Variants in SLK observed in about 807,000 individuals in gnomAD.
The protein encoded by SLK is STE20-like serine/threonine-protein kinase.
In SLK, 67 loss-of-function variants were observed where a neutral mutation model predicts 147.7. The ratio of observed to expected loss-of-function variants is 0.45; its 90% CI spans 0.37 to 0.56. The LOEUF (loss-of-function observed/expected upper bound fraction) is 0.56. Ranked by LOEUF, SLK falls within the 20% of genes least tolerant of loss-of-function variation. SLK has a pLI of 0.00. For missense variants in SLK, 1,136 were observed against 1,438.8 expected, an observed-to-expected ratio of 0.79 and a Z score of 3.41; for synonymous variants, 441 against 475.0, an observed-to-expected ratio of 0.93 and a Z score of 0.93.
chr10:103,988,239 A>G (rs1844044201), intron 1 of SLK, among the ~76,000 whole-genome samples: 1 of 152,170 alleles, frequency 6.6e-6, no homozygotes, highest in East Asian at 1.9e-4. Context: ...TTCATCTCCT[A>G]GTTTCAGGAA....
chr10:103,973,662 GT>G (rs1843823144), intron 1 of SLK, among the ~76,000 whole-genome samples: 1 of 152,094 alleles, frequency 6.6e-6, no homozygotes, highest in Non-Finnish European at 1.5e-5. Context: ...ATGAGTTACA[GT>G]TTTTTTCCCT....
chr10:103,994,514 T>C (rs926827628), intron 4 of SLK, among the ~76,000 whole-genome samples: 4 of 152,162 alleles, frequency 2.6e-5, no homozygotes, highest in Non-Finnish European at 4.4e-5. Context: ...CTTTTCTTTA[T>C]ATTATGGCAT....
intron 4 of SLK, among the ~76,000 whole-genome samples, chr10:103,995,824 T>G (rs1291054214): frequency 2.6e-5 from 4 of 152,184 alleles, no homozygotes; most frequent in Middle Eastern, 3.2e-3. Context: ...TTTTCTATAT[T>G]GGCCATTGTT....
intron 12 of SLK, among the ~76,000 whole-genome samples, chr10:104,010,610 T>C (rs1844387210): frequency 6.6e-6 from 1 of 152,210 alleles, no homozygotes; most frequent in African/African-American, 2.4e-5. Context: ...AATTAACCTT[T>C]GTGTGGTGTA....
chr10:103,970,811 G>A (rs1327509076), intron 1 of SLK, among the ~76,000 whole-genome samples: 1 of 152,126 alleles, frequency 6.6e-6, no homozygotes, highest in Non-Finnish European at 1.5e-5. Context: ...ATAGAGATGA[G>A]GTTGAGTATC....
intron 1 of SLK, among the ~76,000 whole-genome samples, chr10:103,970,129 A>G (rs9325510): frequency 0.8 from 122,357 of 152,116 alleles, 49,373 homozygotes; most frequent in East Asian, 0.9. Flanking sequence ...GAGGATTGAA[A>G]AAGATAATAT....
Position 104,025,952 on chromosome 10 carries a change from GACTTT to G in SLK, c.*233_*237del. 1 of 400,490 alleles carries G rather than the reference GACTTT, an allele frequency of 2.5e-6. No individual in the cohort carries two copies. Among genetic ancestry groups the G allele is most frequent in the Non-Finnish European group, 4.4e-6 (1 of 226,136 alleles). The allele number at this position is 400,490 out of a possible 1,614,324, so 24.8% of individuals were successfully genotyped here. A position where few individuals can be genotyped will look rare whatever the true frequency, so the allele number is the denominator to read the frequency against. On this transcript the variant is annotated 3_prime_UTR_variant, in exon 19 of 19. Coordinates refer to ENST00000369755, the MANE Select transcript of SLK (RefSeq NM_014720.4). ...AAAGTAGCATCTTGGTGACTAAGGT[GACTTT>G]GTATATTCATCTTAAAAATTATGTT...
intron 1 of SLK, among the ~76,000 whole-genome samples, chr10:103,970,081 G>A (rs9988667): frequency 0.86 from 130,514 of 152,188 alleles, 56,187 homozygotes; most frequent in African/African-American, 0.93. Context: ...TATTTGTCCT[G>A]TGCCTAACTT....
intron 1 of SLK, among the ~76,000 whole-genome samples, chr10:103,981,596 A>G (rs1398641456): frequency 1.3e-5 from 2 of 152,032 alleles, no homozygotes; most frequent in Non-Finnish European, 2.9e-5. Flanking sequence ...CCATTTTTTG[A>G]AAAGACTGTC....
rs1175335265 is a variant in SLK at position 104,008,231 on chromosome 10, C to G, written c.2659C>G (p.Gln887Glu). The G allele has an allele frequency of 2.8e-5, 45 of 1,613,686 alleles. No homozygotes were observed. Among genetic ancestry groups the G allele is most frequent in the Non-Finnish European group, 3.8e-5 (45 of 1,179,920 alleles). ...EIENLEKQQK[Q>E]TIERLEQEHT... ...TGAGAATCTAGAAAAACAGCAGAAA[C>G]AGACTATCGAACGCCTGGAACAAGA... The change falls in exon 12 of 19, where the codon CAG becomes GAG. Residue 887 changes from glutamine to glutamate, a missense_variant. Physicochemically the swap from Gln to Glu is conservative, Grantham distance 29. Transcript: ENST00000369755.
chr10:104,016,773 T>C (rs1444812171), intron 13 of SLK, among the ~76,000 whole-genome samples: 2 of 152,168 alleles, frequency 1.3e-5, no homozygotes, highest in Non-Finnish European at 2.9e-5. Flanking sequence ...TGAGACTCTC[T>C]GTGCATTTGA....
chr10:103,999,809 T>C, intron 6 of SLK, 58 bp from the exon 7 acceptor site: 1 of 718,800 alleles, frequency 1.4e-6, no homozygotes, highest in Admixed American at 2.4e-5. Context: ...TCAAAGAGTT[T>C]TGTTTAATTT....
Position 104,025,735 on chromosome 10 carries a change from C to T in SLK, c.*15C>T. On this transcript the variant is annotated 3_prime_UTR_variant, in exon 19 of 19. Transcript: ENST00000369755. ...CCGGATCATAACAAAGGGAAGCATTCTGTGCGTGGGTTTGGCTCTTTCAGT... is the reference window on the plus strand; with the variant it reads ...CCGGATCATAACAAAGGGAAGCATTTTGTGCGTGGGTTTGGCTCTTTCAGT... 1 of 1,613,084 alleles carries T rather than the reference C, an allele frequency of 6.2e-7. No homozygotes were observed. Among genetic ancestry groups the T allele is most frequent in the Non-Finnish European group, 8.5e-7 (1 of 1,179,246 alleles).
intron 4 of SLK, among the ~76,000 whole-genome samples, chr10:103,998,512 A>G (rs149526262): frequency 6.6e-6 from 1 of 152,324 alleles, no homozygotes; most frequent in African/African-American, 2.4e-5. Context: ...GCTTTAGTAT[A>G]ATTTCTATTT....
intron 1 of SLK, among the ~76,000 whole-genome samples, chr10:103,990,451 A>G (rs1466565955): frequency 6.6e-6 from 1 of 152,160 alleles, no homozygotes; most frequent in Non-Finnish European, 1.5e-5. Context: ...CTTTCCACGC[A>G]ATTTTGCTGT....
chr10:103,993,209 GT>G (rs1218539059), intron 4 of SLK, 76 bp downstream of exon 4: 2 of 1,071,454 alleles, frequency 1.9e-6, no homozygotes, highest in East Asian at 2.5e-5. Context: ...ACTTAATGTG[GT>G]TTTATTACTA....
At chr10:103,980,021 T>C (rs1226282310) in intron 1 of SLK, among the ~76,000 whole-genome samples, 6 of 152,168 alleles carry the variant, frequency 3.9e-5, no homozygotes, top group African/African-American at 1.4e-4. Flanking sequence ...CTGGTGTTGA[T>C]TTTTGCTTAT....
At position 103,974,826 on chromosome 10, in the gene SLK, ATTTTTTT is replaced by A. The variant is rs749565693; in HGVS notation, c.150+6949_150+6955del. ...CTACCACGCCCGGCTAATTTTTTCT[ATTTTTTT>A]TTTTTTTTTTTTTTTTTAGTAGAGA... is the stretch of plus-strand genomic sequence containing the variant. On this transcript the variant is annotated intron_variant, in intron 1 of 18. Coordinates refer to ENST00000369755, the MANE Select transcript of SLK (RefSeq NM_014720.4). 8.4e-3 allele frequency: 466 copies of A among 55,488 alleles called. 5 individuals are homozygous for A. Among genetic ancestry groups the A allele is most frequent in the Middle Eastern group, 0.083 (5 of 60 alleles). 3.4% of individuals were successfully genotyped at this position (55,488 alleles called of 1,614,324 possible). A position where few individuals can be genotyped will look rare whatever the true frequency, so the allele number is the denominator to read the frequency against.
intron 18 of SLK, among the ~76,000 whole-genome samples, chr10:104,021,949 G>A (rs1451176804): frequency 6.6e-6 from 1 of 152,074 alleles, no homozygotes; most frequent in Non-Finnish European, 1.5e-5. Context: ...AGGATACAAG[G>A]GAAAGGAACA....
Sources: allele counts gnomAD v4.1 joint callset (sites outside exome capture counted in the v4.1 genomes callset), GRCh38; gene constraint gnomAD v4.1.1; transcripts MANE v1.5; gene names NCBI Gene and HGNC (gene_info 2026-07-23, HGNC 2026-07-21).